ARHGAP24: variants seen among roughly 807,000 people sequenced by gnomAD.
ARHGAP24 encodes Rho GTPase activating protein 24.
Under a neutral mutation model 76.4 loss-of-function variants are expected in ARHGAP24, and 50 were observed. The ratio of observed to expected loss-of-function variants is 0.65; its 90% CI spans 0.52 to 0.83. The LOEUF (loss-of-function observed/expected upper bound fraction) is 0.83. ARHGAP24 is among the 40% of genes least tolerant of loss of function. The pLI is 0.00. For synonymous variants in ARHGAP24, 345 were observed against 323.3 expected (o/e 1.07, Z -0.72); for missense variants, 930 against 914.2 (o/e 1.02, Z -0.22).
chr4:85,807,035 A>AGT (rs1188051336), intron 3 of ARHGAP24, among the ~76,000 whole-genome samples: 7 of 152,210 alleles, frequency 4.6e-5, no homozygotes, highest in African/African-American at 1.7e-4. Context: ...AGCTAATGCT[A>AGT]GTGTCTTCAA....
chr4:85,547,566 G>A (rs1725966645), intron 1 of ARHGAP24, among the ~76,000 whole-genome samples: 1 of 152,084 alleles, frequency 6.6e-6, no homozygotes, highest in Admixed American at 6.6e-5. Context: ...CTCTTGAGTA[G>A]CTGAGACTAC....
intron 1 of ARHGAP24, among the ~76,000 whole-genome samples, chr4:85,517,548 C>T (rs1238173210): frequency 3.3e-5 from 5 of 152,056 alleles, no homozygotes; most frequent in Admixed American, 2.0e-4. Flanking sequence ...AAAGATTACA[C>T]GTTTTCTTAT....
chr4:85,827,791 C>A, intron 3 of ARHGAP24: 2 of 612,992 alleles, frequency 3.3e-6, no homozygotes, highest in Admixed American at 2.9e-5. Context: ...TGCTGGGGAG[C>A]GAGCCGTGGT....
At chr4:85,866,835 A>G (rs1484674985) in intron 3 of ARHGAP24, among the ~76,000 whole-genome samples, 1 of 152,064 alleles carries the variant, frequency 6.6e-6, no homozygotes, top group Non-Finnish European at 1.5e-5. Flanking sequence ...CTATGGTTGG[A>G]GGGAAAGGGA....
At chr4:85,800,904 A>G (rs1474977935) in intron 3 of ARHGAP24, among the ~76,000 whole-genome samples, 1 of 152,230 alleles carries the variant, frequency 6.6e-6, no homozygotes, top group Non-Finnish European at 1.5e-5. Flanking sequence ...AAAGTTCTCA[A>G]TAGGAGAAAA....
chr4:85,587,164 T>C (rs960521613), intron 2 of ARHGAP24, among the ~76,000 whole-genome samples: 2 of 152,196 alleles, frequency 1.3e-5, no homozygotes, highest in Non-Finnish European at 2.9e-5. Context: ...GTGCCTTGTG[T>C]TATTAATAGT....
chr4:85,666,106 A>T (rs1043640311), intron 2 of ARHGAP24, among the ~76,000 whole-genome samples: 1 of 152,148 alleles, frequency 6.6e-6, no homozygotes, highest in East Asian at 1.9e-4. Flanking sequence ...TATCCTGCAG[A>T]GTGTTTTCCA....
intron 8 of ARHGAP24, among the ~76,000 whole-genome samples, chr4:85,984,730 T>C (rs1468833238): frequency 6.6e-6 from 1 of 152,224 alleles, no homozygotes; most frequent in Admixed American, 6.5e-5. Flanking sequence ...CAAGGCCTTA[T>C]AAACCATTCT....
intron 3 of ARHGAP24, among the ~76,000 whole-genome samples, chr4:85,863,066 G>A (rs368815932): frequency 4.6e-5 from 7 of 152,164 alleles, no homozygotes; most frequent in African/African-American, 1.7e-4. Context: ...GCTTATAGAA[G>A]TAGCATGACA....
At chr4:85,876,428 C>T (rs1414512204) in intron 3 of ARHGAP24, among the ~76,000 whole-genome samples, 3 of 152,018 alleles carry the variant, frequency 2.0e-5, no homozygotes, top group African/African-American at 4.8e-5. Flanking sequence ...AACCCGTTAC[C>T]GAGCCAGCTG....
chr4:85,509,089 G>A (rs183166880), intron 1 of ARHGAP24, among the ~76,000 whole-genome samples: 115 of 149,204 alleles, frequency 7.7e-4, no homozygotes, highest in African/African-American at 2.6e-3. Context: ...GTAAACTATC[G>A]CAAGAACAAA....
chr4:85,527,372 T>C (rs1725051896), intron 1 of ARHGAP24, among the ~76,000 whole-genome samples: 1 of 152,086 alleles, frequency 6.6e-6, no homozygotes, highest in Non-Finnish European at 1.5e-5. Context: ...GGGTATATGA[T>C]GATAAATGGC....
chr4:85,666,479 CCTT>C (rs2109997471), intron 2 of ARHGAP24, among the ~76,000 whole-genome samples: 1 of 152,294 alleles, frequency 6.6e-6, no homozygotes, highest in South Asian at 2.1e-4. Flanking sequence ...TCGTCTGAAG[CCTT>C]CTTCTCTCAA....
chr4:85,924,663 G>A (rs1383700692), intron 4 of ARHGAP24: 1 of 145,990 alleles, frequency 6.8e-6, no homozygotes, highest in Non-Finnish European at 1.5e-5. Flanking sequence ...TTTTTTCTCT[G>A]AACAGATCGG....
At position 85,515,700 on chromosome 4, in the gene ARHGAP24, C is replaced by T. The variant is rs145413744; in HGVS notation, c.-21+40141C>T. Among the ~76,000 whole-genome samples the T allele has an allele frequency of 1.9e-3, 296 of 151,858 alleles. 5 individuals are homozygous for T. The highest frequency in any genetic ancestry group is 0.014 in the East Asian group (72 of 5,162). ...TTTCTGTCAGTCTCCTATGGATGGGCGTTTATGCTATTTTCATCTATTACT... is the reference window on the plus strand; with the variant it reads ...TTTCTGTCAGTCTCCTATGGATGGGTGTTTATGCTATTTTCATCTATTACT... On this transcript the variant is annotated intron_variant, in intron 1 of 9. Coordinates refer to ENST00000395184, the MANE Select transcript of ARHGAP24 (RefSeq NM_001025616.3).
intron 1 of ARHGAP24, among the ~76,000 whole-genome samples, chr4:85,476,890 G>C (rs1722620857): frequency 6.6e-6 from 1 of 152,198 alleles, no homozygotes; most frequent in Admixed American, 6.5e-5. Flanking sequence ...ATTTCAACTT[G>C]TAAGAGAGCT....
intron 3 of ARHGAP24, among the ~76,000 whole-genome samples, chr4:85,798,347 A>G (rs1728450664): frequency 6.6e-6 from 1 of 152,234 alleles, no homozygotes; most frequent in African/African-American, 2.4e-5. Flanking sequence ...AATTATAGTG[A>G]TGGAGAACTA....
At chr4:85,646,341 G>C (rs376219748) in intron 2 of ARHGAP24, among the ~76,000 whole-genome samples, 3 of 151,780 alleles carry the variant, frequency 2.0e-5, no homozygotes, top group East Asian at 3.9e-4. Flanking sequence ...GGAATTACAG[G>C]CTTTTAGACT....
intron 2 of ARHGAP24, among the ~76,000 whole-genome samples, chr4:85,575,102 A>C (rs1727318093): frequency 6.6e-6 from 1 of 152,200 alleles, no homozygotes. Context: ...AATATCAATC[A>C]AACTAAACAT....
Sources: allele counts gnomAD v4.1 joint callset (sites outside exome capture counted in the v4.1 genomes callset), GRCh38; gene constraint gnomAD v4.1.1; transcripts MANE v1.5; gene names NCBI Gene and HGNC (gene_info 2026-07-23, HGNC 2026-07-21).